The following GALNTL6 variants were observed in gnomAD, a reference collection of about 807,000 sequenced individuals.
The protein encoded by GALNTL6 is polypeptide N-acetylgalactosaminyltransferase-like 6.
GALNTL6 carries 46 observed loss-of-function variants against 73.7 expected under a neutral mutation model. The observed-to-expected ratio is 0.62, with a 90% CI of 0.49 to 0.80. The LOEUF (loss-of-function observed/expected upper bound fraction) is 0.80, where lower values mean the gene tolerates loss of function less well. GALNTL6 is among the 30% of genes least tolerant of loss of function. The pLI is 0.00. For synonymous variants in GALNTL6, 259 were observed against 263.7 expected (o/e 0.98, Z 0.17); for missense variants, 604 against 755.0 (o/e 0.80, Z 2.34).
intron 4 of GALNTL6, among the ~76,000 whole-genome samples, chr4:172,330,072 T>G (rs998176551): frequency 1.3e-4 from 20 of 152,186 alleles, no homozygotes; most frequent in African/African-American, 3.6e-4. Flanking sequence ...TCCTTCAAGG[T>G]GCAGTGGAAA....
At chr4:172,486,453 C>T (rs900628309) in intron 5 of GALNTL6, among the ~76,000 whole-genome samples, 1 of 152,156 alleles carries the variant, frequency 6.6e-6, no homozygotes, top group Admixed American at 6.5e-5. Context: ...ACTTATATCA[C>T]TCCACATCTT....
Position 172,151,922 on chromosome 4 carries a change from T to A in GALNTL6, c.139-77734T>A, listed in dbSNP as rs1240231364. 4.0e-5 allele frequency among the ~76,000 whole-genome samples: 6 copies of A among 149,050 alleles called. No individual in the cohort carries two copies. In the South Asian group the frequency reaches 8.4e-4, roughly 21 times the overall value. The stretch of plus-strand genomic sequence containing the variant: ...TATATATAAAAATATATATCTATAA[T>A]CTATAATATAAATTTATATCTATCT... On this transcript the variant is annotated intron_variant, in intron 2 of 12. Coordinates refer to ENST00000506823, the MANE Select transcript of GALNTL6 (RefSeq NM_001034845.3).
At chr4:172,090,649 G>A (rs1232090312) in intron 2 of GALNTL6, among the ~76,000 whole-genome samples, 3 of 152,072 alleles carry the variant, frequency 2.0e-5, no homozygotes, top group Non-Finnish European at 4.4e-5. Flanking sequence ...TAGGTTGCCT[G>A]TTCAATCTGA....
intron 2 of GALNTL6, chr4:172,052,588 G>A (rs188867213): frequency 2.8e-5 from 33 of 1,177,882 alleles, no homozygotes; most frequent in African/African-American, 2.8e-4. Flanking sequence ...AGGGTGGTTC[G>A]TCTCATGGAC....
intron 5 of GALNTL6, among the ~76,000 whole-genome samples, chr4:172,758,767 C>G (rs1160517037): frequency 6.6e-6 from 1 of 152,134 alleles, no homozygotes; most frequent in African/African-American, 2.4e-5. Flanking sequence ...TCCCTTGGTC[C>G]AGCATATCCA....
intron 10 of GALNTL6, among the ~76,000 whole-genome samples, chr4:173,001,093 C>T (rs1332590893): frequency 6.6e-6 from 1 of 152,108 alleles, no homozygotes; most frequent in African/African-American, 2.4e-5. Flanking sequence ...CAGAAACCAG[C>T]ATGATATGTT....
intron 5 of GALNTL6, among the ~76,000 whole-genome samples, chr4:172,698,311 G>A (rs1268401628): frequency 6.6e-6 from 1 of 152,066 alleles, no homozygotes; most frequent in Non-Finnish European, 1.5e-5. Context: ...ACCTCCCACA[G>A]CTAGAGACTT....
rs182202955 is a variant in GALNTL6 at position 172,443,314 on chromosome 4, C to G, written c.553+94625C>G. Among the ~76,000 whole-genome samples, 127 of 150,828 alleles carry G rather than the reference C, an allele frequency of 8.4e-4. 1 individual carries two copies. Among genetic ancestry groups the G allele is most frequent in the African/African-American group, 3.0e-3 (122 of 41,214 alleles). On this transcript the variant is annotated intron_variant, in intron 5 of 12. Transcript: ENST00000506823. ...CCAAGTAGATGGGATTACAGGTATG[C>G]CCCACTATGCCCAGCTAATTATTGT...
At chr4:172,748,714 A>C (rs895345467) in intron 5 of GALNTL6, among the ~76,000 whole-genome samples, 5 of 152,182 alleles carry the variant, frequency 3.3e-5, no homozygotes, top group Non-Finnish European at 7.3e-5. Context: ...GGAGGGCTAC[A>C]GTTAATAATA....
chr4:172,319,602 T>G (rs911252671), intron 4 of GALNTL6, among the ~76,000 whole-genome samples: 4 of 152,216 alleles, frequency 2.6e-5, no homozygotes, highest in African/African-American at 9.6e-5. Flanking sequence ...ACATACTTTA[T>G]CAAGATTAGA....
intron 2 of GALNTL6, among the ~76,000 whole-genome samples, chr4:172,182,534 A>T (rs1735281849): frequency 1.4e-5 from 2 of 138,618 alleles, no homozygotes; most frequent in Middle Eastern, 3.6e-3. Context: ...TAATTTAAAT[A>T]ATTCCCAATG....
intron 5 of GALNTL6, among the ~76,000 whole-genome samples, chr4:172,389,367 G>T (rs1743583000): frequency 1.3e-5 from 2 of 151,940 alleles, no homozygotes; most frequent in Admixed American, 6.6e-5. Context: ...AGTACTCAGT[G>T]GTGCATTTTA....
chr4:172,735,609 T>A (rs1272506114), intron 5 of GALNTL6, among the ~76,000 whole-genome samples: 1 of 152,128 alleles, frequency 6.6e-6, no homozygotes, highest in Non-Finnish European at 1.5e-5. Context: ...GGTTTTGACA[T>A]GTAAGGACAT....
chr4:172,093,205 A>G (rs1278739968), intron 2 of GALNTL6, among the ~76,000 whole-genome samples: 2 of 152,112 alleles, frequency 1.3e-5, no homozygotes, highest in Non-Finnish European at 2.9e-5. Context: ...TTGTAAACAA[A>G]TCTGTCAATC....
In GALNTL6 at chr4:172,809,457, TC is replaced by T. The variant is rs1285793649; in HGVS notation, c.652del (p.Leu218TrpfsTer11). ...KKREGLIRTRLLGASMARGEV... is the reference protein window; with the variant it reads ...KKREGLIRTRXLGASMARGEV... The stretch of plus-strand genomic sequence containing the variant: ...AGAGAAGGACTCATCCGGACCCGTC[TC>T]CTGGGGGCATCTATGGCCAGAGGAG... On this transcript the variant is annotated frameshift_variant, in exon 6 of 13. Transcript: ENST00000506823. LOFTEE classifies it high-confidence loss of function. The surrounding 1 kb of genome is among the most constrained non-coding windows in gnomAD (Gnocchi z 4.4). The T allele has an allele frequency of 6.2e-7, 1 of 1,613,924 alleles. No homozygotes were observed. The highest frequency in any genetic ancestry group is 1.1e-5 in the South Asian group (1 of 91,046).
rs1742038583 is a variant in GALNTL6, at chr4:172,823,186, A to G, written c.923+9463A>G. 2.6e-5 allele frequency among the ~76,000 whole-genome samples: 4 copies of G among 151,834 alleles called. No individual in the cohort carries two copies. The South Asian group carries it at 8.3e-4, about 31-fold the overall frequency. Reference sequence around the variant, plus strand: ...AAACAGAATGTTCTGCCATTCACCTACTCTTCCTCCTCCCTCCCTGCAGAC... The same window carrying G: ...AAACAGAATGTTCTGCCATTCACCTGCTCTTCCTCCTCCCTCCCTGCAGAC... On this transcript the variant is annotated intron_variant, in intron 7 of 12. Coordinates refer to ENST00000506823, the MANE Select transcript of GALNTL6 (RefSeq NM_001034845.3).
intron 5 of GALNTL6, among the ~76,000 whole-genome samples, chr4:172,371,083 T>C (rs1742791038): frequency 6.6e-6 from 1 of 152,234 alleles, no homozygotes; most frequent in Non-Finnish European, 1.5e-5. Flanking sequence ...GTAAGTACTT[T>C]AAGATTTGGC....
chr4:172,110,499 G>A (rs2110978179), intron 2 of GALNTL6, among the ~76,000 whole-genome samples: 1 of 152,200 alleles, frequency 6.6e-6, no homozygotes, highest in Middle Eastern at 3.4e-3. Flanking sequence ...AAAGAAAAAA[G>A]TGCACATATT....
Position 172,125,289 on chromosome 4 carries a change from A to G in GALNTL6, c.139-104367A>G, listed in dbSNP as rs1395334078. Among the ~76,000 whole-genome samples the G allele has an allele frequency of 2.0e-5, 3 of 152,164 alleles. No individual in the cohort carries two copies. In the East Asian group the frequency reaches 5.8e-4, roughly 29 times the overall value. On this transcript the variant is annotated intron_variant, in intron 2 of 12. Transcript: ENST00000506823. ...TTCAATCTAAATCCAGAAAAATTAA[A>G]TAAATCTCAGGAAGAAATATGGCAC... is the stretch of plus-strand genomic sequence containing the variant.
Sources: allele counts gnomAD v4.1 joint callset (sites outside exome capture counted in the v4.1 genomes callset), GRCh38; gene constraint gnomAD v4.1.1; non-coding constraint Gnocchi (gnomAD v3.1); transcripts MANE v1.5; gene names NCBI Gene and HGNC (gene_info 2026-07-23, HGNC 2026-07-21).